Variants in ZFYVE9 observed in about 807,000 individuals in gnomAD.
ZFYVE9 encodes the protein zinc finger FYVE domain-containing protein 9.
ZFYVE9 carries 43 observed loss-of-function variants against 126.7 expected under a neutral mutation model. The observed-to-expected ratio is 0.34, with a 90% CI of 0.27 to 0.44. The LOEUF (loss-of-function observed/expected upper bound fraction) is 0.44. Ranked by LOEUF, ZFYVE9 falls within the 20% of genes least tolerant of loss-of-function variation. ZFYVE9 has a pLI of 1.00. For missense variants in ZFYVE9, 1,476 were observed against 1,697.0 expected, an observed-to-expected ratio of 0.87 and a Z score of 2.29; for synonymous variants, 521 against 597.4, an observed-to-expected ratio of 0.87 and a Z score of 1.87.
intron 8 of ZFYVE9, among the ~76,000 whole-genome samples, chr1:52,275,947 C>T (rs1049189557): frequency 4.0e-5 from 5 of 125,734 alleles, no homozygotes; most frequent in East Asian, 2.2e-4. Flanking sequence ...CTCACTCTGT[C>T]GCCAGGCTGG....
At chr1:52,219,268 C>T (rs1357149727) in intron 2 of ZFYVE9, among the ~76,000 whole-genome samples, 10 of 151,948 alleles carry the variant, frequency 6.6e-5, no homozygotes, top group East Asian at 5.8e-4. Flanking sequence ...GGAGGGTGAT[C>T]GGGTTACATT....
intron 1 of ZFYVE9, among the ~76,000 whole-genome samples, chr1:52,215,731 A>G (rs1278648763): frequency 6.6e-6 from 1 of 152,180 alleles, no homozygotes; most frequent in Non-Finnish European, 1.5e-5. Context: ...TAGTTGGGCT[A>G]CCATAACTTA....
intron 1 of ZFYVE9, among the ~76,000 whole-genome samples, chr1:52,185,997 T>C (rs1644761690): frequency 6.7e-6 from 1 of 150,020 alleles, no homozygotes; most frequent in Non-Finnish European, 1.5e-5. Flanking sequence ...TCCCAGCACT[T>C]TGGGAGGCCG....
At chr1:52,227,903 C>T (rs1359180357) in intron 2 of ZFYVE9, among the ~76,000 whole-genome samples, 4 of 152,138 alleles carry the variant, frequency 2.6e-5, no homozygotes, top group African/African-American at 4.8e-5. Flanking sequence ...AATTCTTATT[C>T]TTCCTGCTAC....
chr1:52,290,996 C>A (rs963117570), intron 10 of ZFYVE9, among the ~76,000 whole-genome samples: 3 of 152,168 alleles, frequency 2.0e-5, no homozygotes, highest in Non-Finnish European at 4.4e-5. Flanking sequence ...CATTCAAACC[C>A]ATATCTCTGG....
intron 10 of ZFYVE9, among the ~76,000 whole-genome samples, chr1:52,284,118 G>T (rs923937443): frequency 1.9e-4 from 29 of 152,310 alleles, no homozygotes; most frequent in African/African-American, 6.5e-4. Context: ...TCACCATCTT[G>T]ATGAATAACA....
At chr1:52,285,030 AT>A (rs1209938141) in intron 10 of ZFYVE9, among the ~76,000 whole-genome samples, 3 of 152,216 alleles carry the variant, frequency 2.0e-5, no homozygotes, top group African/African-American at 7.2e-5. Context: ...AGATAATTTA[AT>A]ACAAACTCTT....
chr1:52,262,037 A>G (rs1041092410), intron 4 of ZFYVE9, among the ~76,000 whole-genome samples: 1 of 152,234 alleles, frequency 6.6e-6, no homozygotes, highest in African/African-American at 2.4e-5. Context: ...TCGGGCTGCT[A>G]TAACAAAATA....
intron 4 of ZFYVE9, among the ~76,000 whole-genome samples, chr1:52,255,312 G>A (rs777108012): frequency 2.6e-5 from 4 of 152,132 alleles, no homozygotes; most frequent in Non-Finnish European, 4.4e-5. Flanking sequence ...AGCCAGGCAC[G>A]GTGGGTCATG....
chr1:52,199,737 T>A (rs1252718191), intron 1 of ZFYVE9, among the ~76,000 whole-genome samples: 1 of 152,202 alleles, frequency 6.6e-6, no homozygotes, highest in Admixed American at 6.5e-5. Flanking sequence ...GTATATTTAG[T>A]TTTGTAAGAA....
chr1:52,234,425 T>G (rs1202806506), intron 3 of ZFYVE9, among the ~76,000 whole-genome samples: 1 of 152,166 alleles, frequency 6.6e-6, no homozygotes, highest in Non-Finnish European at 1.5e-5. Flanking sequence ...CATGCCACTG[T>G]ATTCCAGCCC....
chr1:52,323,535 T>C (rs1295408097), intron 13 of ZFYVE9, among the ~76,000 whole-genome samples: 1 of 152,208 alleles, frequency 6.6e-6, no homozygotes, highest in African/African-American at 2.4e-5. Context: ...TCAATGCCCA[T>C]TGGCTAAATG....
chr1:52,180,251 G>C lies in ZFYVE9; in HGVS notation c.-142-36118G>C, dbSNP rs907583596. The C allele has an allele frequency of 8.1e-6, 13 of 1,603,142 alleles. No homozygotes were observed. The African/African-American group carries it at 1.5e-4, about 18-fold the overall frequency. ...ATCAGCACCTCAGTGGAGTTGCCAG[G>C]AAGTTTCCTGATGTCAAATTTATCA... On this transcript the variant is annotated intron_variant, in intron 1 of 18. Transcript: ENST00000287727.
At position 52,150,038 on chromosome 1, in the gene ZFYVE9, A is replaced by T. The variant is rs75028748; in HGVS notation, c.-143+7635A>T. The T allele has an allele frequency of 2.4e-3, 368 of 152,274 alleles. 1 individual carries two copies. Among genetic ancestry groups the T allele is most frequent in the African/African-American group, 8.4e-3 (350 of 41,552 alleles). The allele number at this position is 152,274 out of a possible 1,614,324, so 9.4% of individuals were successfully genotyped here. On this transcript the variant is annotated intron_variant, in intron 1 of 18. Transcript: ENST00000287727. ...TTAAAATGAAGAAAGAGTAAATTGTACATATTTTTATATGTTACATAGCCC... is the reference window on the plus strand; with the variant it reads ...TTAAAATGAAGAAAGAGTAAATTGTTCATATTTTTATATGTTACATAGCCC...
At chr1:52,199,461 C>T (rs1644902853) in intron 1 of ZFYVE9, among the ~76,000 whole-genome samples, 1 of 152,190 alleles carries the variant, frequency 6.6e-6, no homozygotes, top group Non-Finnish European at 1.5e-5. Context: ...TGGCTTCTTT[C>T]ACTTAGAAAT....
At chr1:52,272,671 A>ACCTTTTTTTTTTTTTTTTT (rs1162973754) in intron 7 of ZFYVE9, among the ~76,000 whole-genome samples, 2 of 134,850 alleles carry the variant, frequency 1.5e-5, no homozygotes, top group Admixed American at 7.1e-5. Flanking sequence ...GCTAGAAATA[A>ACCTTTTTTTTTTTTTTTTT]TCTTTTTTTT....
At chr1:52,316,952 T>A (rs1208906760) in intron 13 of ZFYVE9, among the ~76,000 whole-genome samples, 1 of 151,966 alleles carries the variant, frequency 6.6e-6, no homozygotes, top group Non-Finnish European at 1.5e-5. Context: ...GTAAAAGAGG[T>A]CTCAATAAAT....
intron 17 of ZFYVE9, among the ~76,000 whole-genome samples, chr1:52,344,170 AAGTGTGTTCC>A (rs1183211445): frequency 6.6e-6 from 1 of 151,910 alleles, no homozygotes; most frequent in Admixed American, 6.5e-5. Flanking sequence ...CATCAGTTCC[AAGTGTGTTCC>A]ACTTCTGCCT....
At chr1:52,273,140 G>A (rs1286645612) in intron 7 of ZFYVE9, among the ~76,000 whole-genome samples, 2 of 151,988 alleles carry the variant, frequency 1.3e-5, no homozygotes, top group African/African-American at 4.8e-5. Context: ...CCTAGTAGCT[G>A]AGATTACAGG....
Sources: allele counts gnomAD v4.1 joint callset (sites outside exome capture counted in the v4.1 genomes callset), GRCh38; gene constraint gnomAD v4.1.1; transcripts MANE v1.5; gene names NCBI Gene and HGNC (gene_info 2026-07-23, HGNC 2026-07-21).